The following OAF variants were observed in gnomAD, a reference collection of about 807,000 sequenced individuals.
The protein encoded by OAF is out at first protein homolog.
OAF carries 13 observed loss-of-function variants against 22.5 expected under a neutral mutation model. That is an observed-to-expected ratio of 0.58 (90% confidence interval 0.38 to 0.92). OAF has a LOEUF of 0.92. Ranked by LOEUF, OAF falls within the 40% of genes least tolerant of loss-of-function variation. OAF has a pLI of 0.00. For missense variants in OAF, 347 were observed against 381.8 expected, an observed-to-expected ratio of 0.91 and a Z score of 0.76; for synonymous variants, 175 against 170.5, an observed-to-expected ratio of 1.03 and a Z score of -0.21.
At chr11:120,226,743 T>C in intron 2 of OAF, 73 bp from the exon 3 acceptor site, 1 of 1,412,746 alleles carries the variant, frequency 7.1e-7, no homozygotes, top group Non-Finnish European at 9.7e-7. Context: ...CTCGCCTGAC[T>C]CTGGAGGGTC....
intron 3 of OAF, 77 bp downstream of exon 3, chr11:120,227,073 G>A: frequency 1.0e-6 from 1 of 991,778 alleles, no homozygotes; most frequent in Non-Finnish European, 1.5e-6. Flanking sequence ...CAGTGGAGGA[G>A]GGCAGGGGCA....
chr11:120,225,497 C>T (rs1016830904), intron 1 of OAF, among the ~76,000 whole-genome samples, 164 bp from the exon 2 acceptor site: 3 of 152,270 alleles, frequency 2.0e-5, no homozygotes, highest in Middle Eastern at 3.4e-3. Flanking sequence ...TTTCAAGTCA[C>T]GGGTTTAAAC....
chr11:120,224,812 G>A (rs1253202221), intron 1 of OAF, among the ~76,000 whole-genome samples: 1 of 152,190 alleles, frequency 6.6e-6, no homozygotes, highest in African/African-American at 2.4e-5. Flanking sequence ...AGTTAATCAA[G>A]TCACAGAGAT....
rs577516562 is a variant in OAF at position 120,211,573 on chromosome 11, C to G, written c.231+63C>G. On this transcript the variant is annotated intron_variant, in intron 1 of 3. Coordinates refer to ENST00000328965, the MANE Select transcript of OAF (RefSeq NM_178507.4). The stretch of plus-strand genomic sequence containing the variant: ...CCTGAGCCCCCCGGGATCCCAGGCG[C>G]TCTCTTGCCTGCAGACGGAAAGACG... 7 of 1,177,572 alleles carry G rather than the reference C, an allele frequency of 5.9e-6. No individual in the cohort carries two copies. In the South Asian group the frequency reaches 1.5e-4, roughly 25 times the overall value. The allele number at this position is 1,177,572 out of a possible 1,614,324, so 72.9% of individuals were successfully genotyped here. A position where few individuals can be genotyped will look rare whatever the true frequency, so the allele number is the denominator to read the frequency against.
At chr11:120,218,232 A>G (rs2041884841) in intron 1 of OAF, among the ~76,000 whole-genome samples, 1 of 152,134 alleles carries the variant, frequency 6.6e-6, no homozygotes, top group Non-Finnish European at 1.5e-5. Flanking sequence ...CCCCAAGACA[A>G]GCAGCCTCTG....
intron 1 of OAF, among the ~76,000 whole-genome samples, chr11:120,218,229 A>G (rs1938237386): frequency 1.3e-5 from 2 of 152,056 alleles, no homozygotes; most frequent in Admixed American, 6.6e-5. Context: ...ATGCCCCAAG[A>G]CAAGCAGCCT....
chr11:120,229,212 AC>A lies in OAF; in HGVS notation c.*75del. On this transcript the variant is annotated 3_prime_UTR_variant, in exon 4 of 4. Coordinates refer to ENST00000328965, the MANE Select transcript of OAF (RefSeq NM_178507.4). The stretch of plus-strand genomic sequence containing the variant: ...TCACCAGCCACTAGAGGGGGTGGCA[AC>A]CCCCACCTGAGGCCTTATTTCCCTC... 2.1e-6 allele frequency: 3 copies of A among 1,433,358 alleles called. No homozygotes were observed. Among genetic ancestry groups the A allele is most frequent in the Non-Finnish European group, 2.9e-6 (3 of 1,037,254 alleles). 88.8% of individuals were successfully genotyped at this position (1,433,358 alleles called of 1,614,324 possible). A position where few individuals can be genotyped will look rare whatever the true frequency, so the allele number is the denominator to read the frequency against.
rs139805256 is a variant in OAF at position 120,227,721 on chromosome 11, G to A, written c.547+725G>A. ...TGTGTGGAGGGGAGAGGGAAATGGC[G>A]CCATTCCAACTCTGAGCCCCTGTGC... is the stretch of plus-strand genomic sequence containing the variant. On this transcript the variant is annotated intron_variant, in intron 3 of 3. Transcript: ENST00000328965. 6.4e-3 allele frequency among the ~76,000 whole-genome samples: 972 copies of A among 152,224 alleles called. 5 individuals are homozygous for A. Among genetic ancestry groups the A allele is most frequent in the Middle Eastern group, 0.017 (5 of 294 alleles).
chr11:120,225,825 A>G, intron 2 of OAF, 30 bp downstream of exon 2: 6 of 1,582,544 alleles, frequency 3.8e-6, no homozygotes, highest in Non-Finnish European at 5.1e-6. Flanking sequence ...TGCCTGGCCC[A>G]GGTCCTGACC....
chr11:120,224,402 A>G (rs1938325075), intron 1 of OAF, among the ~76,000 whole-genome samples: 2 of 152,190 alleles, frequency 1.3e-5, no homozygotes, highest in African/African-American at 4.8e-5. Context: ...CTTAGTCCTC[A>G]CCACAACCCT....
chr11:120,211,605 G>A (rs1938149322), intron 1 of OAF, 95 bp downstream of exon 1: 1 of 895,936 alleles, frequency 1.1e-6, no homozygotes, highest in Non-Finnish European at 1.6e-6. Context: ...GACGGGCCCA[G>A]GAGGGAGACG....
In OAF at chr11:120,228,945, G is replaced by A. The variant is rs770552269; in HGVS notation, c.625G>A (p.Asp209Asn). The change falls in exon 4 of 4, where the codon GAC (aspartate) becomes AAC (asparagine). Residue 209 changes from aspartate (D) to asparagine (N), a missense_variant. Transcript: ENST00000328965. ...AELPRCRQVG[D>N]HGKPCVCRYG... ...GCTGCCTCGCTGCAGGCAGGTGGGG[G>A]ACCACGGGAAGCCCTGCGTCTGCCG... The A allele has an allele frequency of 1.2e-6, 2 of 1,611,996 alleles. No homozygotes were observed. Among genetic ancestry groups the A allele is most frequent in the Non-Finnish European group, 1.7e-6 (2 of 1,179,810 alleles).
intron 1 of OAF, among the ~76,000 whole-genome samples, chr11:120,219,321 G>T (rs1938252264): frequency 6.6e-6 from 1 of 152,194 alleles, no homozygotes; most frequent in Non-Finnish European, 1.5e-5. Context: ...GTGCGCGAAT[G>T]GGGAAGCCGT....
intron 3 of OAF, among the ~76,000 whole-genome samples, chr11:120,227,870 C>T (rs776625305): frequency 6.6e-6 from 1 of 152,110 alleles, no homozygotes; most frequent in Non-Finnish European, 1.5e-5. Context: ...CCATGGCCTG[C>T]ACCCCAGACT....
chr11:120,220,589 A>C (rs1433295639), intron 1 of OAF, among the ~76,000 whole-genome samples: 3 of 152,164 alleles, frequency 2.0e-5, no homozygotes, highest in African/African-American at 7.2e-5. Context: ...AGAGGCAGCG[A>C]CTGGGATTGG....
At chr11:120,227,049 G>A in intron 3 of OAF, 53 bp downstream of exon 3, 2 of 1,378,978 alleles carry the variant, frequency 1.5e-6, no homozygotes, top group Non-Finnish European at 2.0e-6. Flanking sequence ...AGGGGACAGG[G>A]AGACAGCACA....
chr11:120,211,532 G>T, intron 1 of OAF, 22 bp downstream of exon 1: 2 of 1,428,506 alleles, frequency 1.4e-6, no homozygotes, highest in South Asian at 1.5e-5. Context: ...TCACTCGCCG[G>T]GGTGGCACCT....
intron 3 of OAF, among the ~76,000 whole-genome samples, chr11:120,228,089 C>CTT (rs35173532): frequency 2.2e-3 from 316 of 146,780 alleles, no homozygotes; most frequent in African/African-American, 5.8e-3. Context: ...TCAGATGTCA[C>CTT]TTTTTTTTTT....
At chr11:120,228,824 C>CCACCCA in intron 3 of OAF, 44 bp from the exon 4 acceptor site, 2 of 519,062 alleles carry the variant, frequency 3.9e-6, no homozygotes, top group Non-Finnish European at 7.3e-6. Context: ...AGCTCCTTCC[C>CCACCCA]TCCCTCCCTC....
Sources: gnomAD v4.1 joint callset for allele counts (sites outside exome capture counted in the v4.1 genomes callset) on GRCh38, gnomAD v4.1.1 for gene constraint, MANE v1.5 for transcripts, NCBI Gene and HGNC (gene_info 2026-07-23, HGNC 2026-07-21) for gene names.